The following METTL25 variants were observed in gnomAD, a reference collection of about 807,000 sequenced individuals.
METTL25 encodes the protein methyltransferase like 25.
A neutral mutation model predicts 71.6 loss-of-function variants in METTL25; 64 were observed. The ratio of observed to expected loss-of-function variants is 0.89; its 90% confidence interval spans 0.73 to 1.10. The LOEUF (loss-of-function observed/expected upper bound fraction) is 1.10. METTL25 is among the 50% of genes least tolerant of loss of function. The probability of loss-of-function intolerance (pLI) is 0.00; values close to 1 mark genes in which losing one functional copy is unlikely to be tolerated. For synonymous variants in METTL25, 287 were observed against 250.3 expected (o/e 1.15, Z -1.38); for missense variants, 807 against 707.0 (o/e 1.14, Z -1.60).
Position 82,399,397 on chromosome 12 carries a change from G to A in METTL25, c.1131+3G>A, listed in dbSNP as rs1307352653. Reference sequence around the variant, plus strand: ...ATGACATTATTAAAGATTTGGAGGTGACTTTACCTTTGAATTATTTAATTT... The same window carrying A: ...ATGACATTATTAAAGATTTGGAGGTAACTTTACCTTTGAATTATTTAATTT... On this transcript the variant is annotated splice_donor_region_variant and intron_variant, in intron 4 of 11. Coordinates refer to ENST00000248306, the MANE Select transcript of METTL25 (RefSeq NM_032230.3). 1.9e-6 allele frequency: 3 copies of A among 1,552,102 alleles called. No individual in the cohort carries two copies. The highest frequency in any genetic ancestry group is 2.6e-6 in the Non-Finnish European group (3 of 1,155,232).
At chr12:82,416,546 T>A (rs1169334474) in intron 5 of METTL25, among the ~76,000 whole-genome samples, 2 of 151,374 alleles carry the variant, frequency 1.3e-5, no homozygotes, top group East Asian at 3.9e-4. Context: ...GTTCAGGCAG[T>A]CCTCCCTCCC....
intron 5 of METTL25, among the ~76,000 whole-genome samples, chr12:82,415,762 C>G (rs1224661262): frequency 6.6e-6 from 1 of 152,136 alleles, no homozygotes; most frequent in African/African-American, 2.4e-5. Flanking sequence ...GGAGGGCAGT[C>G]TGCTTTATTC....
chr12:82,368,123 G>A (rs1882780716), intron 1 of METTL25, among the ~76,000 whole-genome samples: 1 of 151,976 alleles, frequency 6.6e-6, no homozygotes. Flanking sequence ...TGCAGAGTCA[G>A]AAGACCTGAT....
chr12:82,404,295 A>G (rs1886892324), intron 5 of METTL25, among the ~76,000 whole-genome samples: 1 of 152,106 alleles, frequency 6.6e-6, no homozygotes, highest in Admixed American at 6.6e-5. Context: ...TCATGCTATT[A>G]TTACCAACTC....
intron 1 of METTL25, among the ~76,000 whole-genome samples, chr12:82,369,734 CTGCTGATTGGTCCATTTTACACAG>C (rs1882998429): frequency 2.0e-5 from 3 of 152,240 alleles, no homozygotes; most frequent in Admixed American, 6.5e-5. Context: ...CACCCACGTC[CTGCTGATTGGTCCATTTTACACAG>C]TGCTGATTGG....
At chr12:82,376,854 A>G (rs7299307) in intron 1 of METTL25, among the ~76,000 whole-genome samples, 140,699 of 152,224 alleles carry the variant, frequency 0.92, 65,346 homozygotes, top group East Asian at 1. Context: ...TGTGGCTCAC[A>G]CCTGTAATCC....
chr12:82,426,696 T>A (rs1310858366), intron 5 of METTL25, among the ~76,000 whole-genome samples: 10 of 152,012 alleles, frequency 6.6e-5, no homozygotes, highest in African/African-American at 2.4e-4. Flanking sequence ...TATGCTCCAC[T>A]TCTCCAATCA....
At chr12:82,434,660 A>T in intron 6 of METTL25, 35 bp from the exon 7 acceptor site, 1 of 1,445,900 alleles carries the variant, frequency 6.9e-7, no homozygotes. Flanking sequence ...AAGACTCAAT[A>T]TATCAACAAT....
At chr12:82,382,920 G>A (rs2136924491) in intron 1 of METTL25, among the ~76,000 whole-genome samples, 1 of 152,074 alleles carries the variant, frequency 6.6e-6, no homozygotes, top group East Asian at 1.9e-4. Flanking sequence ...ATGTTGCCCA[G>A]GCTGATCTCA....
At chr12:82,409,914 C>T (rs892584670) in intron 5 of METTL25, among the ~76,000 whole-genome samples, 7 of 151,976 alleles carry the variant, frequency 4.6e-5, no homozygotes, top group Non-Finnish European at 8.8e-5. Context: ...AGAAATTTGT[C>T]AAGGGTGCAT....
At chr12:82,460,900 T>G (rs1891823852) in intron 9 of METTL25, among the ~76,000 whole-genome samples, 1 of 152,196 alleles carries the variant, frequency 6.6e-6, no homozygotes. Context: ...TCCCAGCACT[T>G]TGGGAGGCCA....
intron 9 of METTL25, 77 bp from the exon 10 acceptor site, chr12:82,476,567 T>G: frequency 1.1e-6 from 1 of 931,536 alleles, no homozygotes; most frequent in Middle Eastern, 2.8e-4. Flanking sequence ...TCATGTTTAT[T>G]TTACTTTAGG....
At chr12:82,388,110 A>G (rs970636003) in intron 2 of METTL25, among the ~76,000 whole-genome samples, 3 of 151,960 alleles carry the variant, frequency 2.0e-5, no homozygotes, top group African/African-American at 7.2e-5. Context: ...TTGTTTCCCC[A>G]ACATTAGATT....
chr12:82,453,002 C>G (rs563043568), intron 8 of METTL25, among the ~76,000 whole-genome samples: 9 of 152,074 alleles, frequency 5.9e-5, no homozygotes, highest in Non-Finnish European at 1.3e-4. Flanking sequence ...CGTGCATATA[C>G]AACATTTAAA....
At chr12:82,448,721 G>T (rs1890925250) in intron 8 of METTL25, among the ~76,000 whole-genome samples, 1 of 152,052 alleles carries the variant, frequency 6.6e-6, no homozygotes, top group Non-Finnish European at 1.5e-5. Flanking sequence ...TCCATAATGT[G>T]TGGTCAAGTT....
chr12:82,392,194 C>T (rs4882442), intron 3 of METTL25, among the ~76,000 whole-genome samples: 1 of 147,490 alleles, frequency 6.8e-6, no homozygotes, highest in Non-Finnish European at 1.5e-5. Flanking sequence ...CATGCTGGTG[C>T]GCTGCACCCA....
chr12:82,478,900 G>T (rs368349364), intron 11 of METTL25, 32 bp from the exon 12 acceptor site: 1,272 of 1,549,740 alleles, frequency 8.2e-4, no homozygotes, highest in Non-Finnish European at 1.1e-3. Context: ...TCAACAAATG[G>T]TTGTATATCT....
In METTL25 at chr12:82,444,648, G is replaced by A. The variant is rs367672163; in HGVS notation, c.1478+5857G>A. Among the ~76,000 whole-genome samples, 140 of 152,264 alleles carry A rather than the reference G, an allele frequency of 9.2e-4. 2 individuals are homozygous for A. The highest frequency in any genetic ancestry group is 3.1e-3 in the African/African-American group (130 of 41,564). The stretch of plus-strand genomic sequence containing the variant: ...TAAACAGACATCAAAAAGTCAAAAT[G>A]TGGGGGTGATGGAGTTATAGAGGTT... On this transcript the variant is annotated intron_variant, in intron 8 of 11. Coordinates refer to ENST00000248306, the MANE Select transcript of METTL25 (RefSeq NM_032230.3).
rs1361534703 is a variant in METTL25, at chr12:82,403,198, C to G, written c.1279+68C>G. The G allele has an allele frequency of 2.1e-6, 3 of 1,447,390 alleles. No homozygotes were observed. The East Asian group carries it at 7.1e-5, about 34-fold the overall frequency. 89.7% of individuals were successfully genotyped at this position (1,447,390 alleles called of 1,614,324 possible). On this transcript the variant is annotated intron_variant, in intron 5 of 11. Coordinates refer to ENST00000248306, the MANE Select transcript of METTL25 (RefSeq NM_032230.3). ...TAATGAAATATGCTATTTCTATTTT[C>G]TATTTCTCCCCGTTTTTTCGTCATT...
Sources: gnomAD v4.1 joint callset for allele counts (sites outside exome capture counted in the v4.1 genomes callset) on GRCh38, gnomAD v4.1.1 for gene constraint, MANE v1.5 for transcripts, NCBI Gene and HGNC (gene_info 2026-07-23, HGNC 2026-07-21) for gene names.